Variants in CEP170 observed in about 807,000 individuals in gnomAD.
CEP170 encodes the protein centrosomal protein of 170 kDa.
Under a neutral mutation model 151.9 loss-of-function variants are expected in CEP170, and 21 were observed. The ratio of observed to expected loss-of-function variants is 0.14; its 90% CI spans 0.10 to 0.20. The LOEUF is 0.20. CEP170 is among the 10% of genes least tolerant of loss of function. CEP170 has a pLI of 1.00. For synonymous variants in CEP170, 356 were observed against 648.8 expected (o/e 0.55, Z 6.86); for missense variants, 964 against 1,892.9 (o/e 0.51, Z 9.11).
intron 13 of CEP170, chr1:243,156,672 T>C (rs1473101246): frequency 4.5e-6 from 2 of 440,716 alleles, no homozygotes; most frequent in African/African-American, 2.0e-5. Context: ...TCAAAAACAA[T>C]TGGAAGACCA....
intron 17 of CEP170, among the ~76,000 whole-genome samples, chr1:243,132,515 C>T (rs1486903256): frequency 6.6e-6 from 1 of 152,166 alleles, no homozygotes; most frequent in Non-Finnish European, 1.5e-5. Context: ...AAACTCAACA[C>T]TCGAACTGAA....
chr1:243,177,894 G>T (rs2059354706), intron 10 of CEP170, among the ~76,000 whole-genome samples: 1 of 152,064 alleles, frequency 6.6e-6, no homozygotes, highest in Non-Finnish European at 1.5e-5. Context: ...ATTTATCCTG[G>T]TCCACAAATA....
At chr1:243,209,057 T>A (rs2061601867) in intron 4 of CEP170, among the ~76,000 whole-genome samples, 1 of 152,280 alleles carries the variant, frequency 6.6e-6, no homozygotes, top group Non-Finnish European at 1.5e-5. Flanking sequence ...AAAGCTTGTA[T>A]ATTTCACTGA....
chr1:243,244,837 A>G (rs2065214704), intron 1 of CEP170, among the ~76,000 whole-genome samples: 1 of 152,212 alleles, frequency 6.6e-6, no homozygotes, highest in African/African-American at 2.4e-5. Flanking sequence ...CATTCTAAAA[A>G]AAAAAATCAA....
intron 1 of CEP170, among the ~76,000 whole-genome samples, chr1:243,245,543 G>A (rs556980233): frequency 2.6e-5 from 4 of 152,100 alleles, no homozygotes; most frequent in East Asian, 1.9e-4. Context: ...GTGAAACCCC[G>A]TCTCTACTAA....
intron 1 of CEP170, among the ~76,000 whole-genome samples, chr1:243,253,574 A>G (rs1260631501): frequency 6.6e-6 from 1 of 152,226 alleles, no homozygotes; most frequent in East Asian, 1.9e-4. Context: ...ATAATAACAG[A>G]AAAATACATA....
chr1:243,144,445 T>C (rs915781727), intron 14 of CEP170, among the ~76,000 whole-genome samples: 3 of 152,242 alleles, frequency 2.0e-5, no homozygotes, highest in Non-Finnish European at 4.4e-5. Flanking sequence ...ACTGTTGATG[T>C]GATTCTTTTG....
rs371569610 is a variant in CEP170, at chr1:243,228,001, T to A, written c.-41-2680A>T. 2.6e-4 allele frequency among the ~76,000 whole-genome samples: 39 copies of A among 152,324 alleles called. No homozygotes were observed. In the South Asian group the frequency reaches 6.8e-3, roughly 27 times the overall value. On this transcript the variant is annotated intron_variant, in intron 1 of 19. Coordinates refer to ENST00000366542, the MANE Select transcript of CEP170 (RefSeq NM_014812.3). ...CCATGTCCCTTAGTTTCTTCTTCAG[T>A]AAAATAAGAATAATGTCAGTTTGCA... is the stretch of plus-strand genomic sequence containing the variant.
intron 3 of CEP170, among the ~76,000 whole-genome samples, chr1:243,221,169 A>C (rs537982009): frequency 1.0e-3 from 159 of 152,000 alleles, no homozygotes; most frequent in African/African-American, 3.4e-3. Context: ...GGACTACAGG[A>C]GCCCGCCACC....
intron 10 of CEP170, among the ~76,000 whole-genome samples, chr1:243,175,550 ATACT>A (rs974560640): frequency 2.0e-5 from 3 of 152,368 alleles, no homozygotes; most frequent in South Asian, 2.1e-4. Flanking sequence ...TACTGTCTAT[ATACT>A]TAAAGTTAGT....
intron 10 of CEP170, among the ~76,000 whole-genome samples, chr1:243,182,655 C>T (rs2148695589): frequency 6.6e-6 from 1 of 152,266 alleles, no homozygotes; most frequent in South Asian, 2.1e-4. Context: ...CCAATCTCAT[C>T]TCTTCAAAAG....
chr1:243,142,759 A>T (rs1287203941), intron 14 of CEP170, among the ~76,000 whole-genome samples: 1 of 152,204 alleles, frequency 6.6e-6, no homozygotes, highest in Non-Finnish European at 1.5e-5. Context: ...AATACATCAC[A>T]GGGGTCTTAA....
At chr1:243,149,243 G>C (rs1274338118) in intron 14 of CEP170, among the ~76,000 whole-genome samples, 2 of 152,284 alleles carry the variant, frequency 1.3e-5, no homozygotes, top group East Asian at 3.9e-4. Flanking sequence ...TAATTAAGAG[G>C]ATAACTTTAA....
In CEP170 at chr1:243,169,735, C is replaced by A. The variant is rs771559393; in HGVS notation, c.1736G>T (p.Gly579Val). The A allele has an allele frequency of 4.3e-6, 7 of 1,613,300 alleles. No individual in the cohort carries two copies. The African/African-American group carries it at 6.7e-5, about 15-fold the overall frequency. The change falls in exon 12 of 20, where the codon GGA becomes GTA. Residue 579 changes from glycine to valine, a missense_variant. By Grantham distance (109) the Gly-to-Val change is moderately radical. Transcript: ENST00000366542. ...CCACTGTGAAACCCAACGTTTGCTT[C>A]CAGATGAAGATGTGCCTTCCTAAAG... ...HHSEEGTSSS[G>V]SKRWVSQWAS...
At chr1:243,247,326 A>G (rs2065501027) in intron 1 of CEP170, among the ~76,000 whole-genome samples, 1 of 152,156 alleles carries the variant, frequency 6.6e-6, no homozygotes, top group Non-Finnish European at 1.5e-5. Flanking sequence ...GGATTGGGAA[A>G]AAAAGCTATT....
chr1:243,172,868 TAAATGAAAACGAA>T (rs2058958128), intron 10 of CEP170, 22 bp from the exon 11 acceptor site: 1 of 1,522,050 alleles, frequency 6.6e-7, no homozygotes, highest in African/African-American at 1.4e-5. Flanking sequence ...AATTATTTTA[TAAATGAAAACGAA>T]AAGTCTGAAC....
intron 1 of CEP170, among the ~76,000 whole-genome samples, chr1:243,233,877 G>A (rs1370415829): frequency 4.0e-5 from 6 of 151,732 alleles, no homozygotes; most frequent in African/African-American, 1.2e-4. Flanking sequence ...GCAATAATAA[G>A]TAAGTGCACT....
chr1:243,134,203 A>G (rs1383246870), intron 17 of CEP170, among the ~76,000 whole-genome samples: 2 of 152,196 alleles, frequency 1.3e-5, no homozygotes, highest in Non-Finnish European at 2.9e-5. Context: ...ATACAAGCTG[A>G]CTGGTTTACA....
rs766468460 is a variant in CEP170 at position 243,126,536 on chromosome 1, C to T, written c.4668G>A (p.Glu1556=). Residue 1556 remains glutamate (E), a synonymous_variant, in exon 20 of 20, where the codon GAG becomes GAA. Transcript: ENST00000366542. Reference sequence around the variant, plus strand: ...TGAAATCAGCCTCAGATTCAGCATTCTCAAATTCAGCTGCGGCTGAAACAG... The same window carrying T: ...TGAAATCAGCCTCAGATTCAGCATTTTCAAATTCAGCTGCGGCTGAAACAG... ...PAAVSAAAEF[E]NAESEADFSI... is the part of the protein sequence containing the mutation. The T allele has an allele frequency of 1.4e-5, 22 of 1,599,294 alleles. No individual in the cohort carries two copies. The South Asian group carries it at 2.4e-4, about 17-fold the overall frequency.
Sources: allele counts gnomAD v4.1 joint callset (sites outside exome capture counted in the v4.1 genomes callset), GRCh38; gene constraint gnomAD v4.1.1; transcripts MANE v1.5; gene names NCBI Gene and HGNC (gene_info 2026-07-23, HGNC 2026-07-21).